Variants in DOCK4 observed in about 807,000 individuals in gnomAD.
The protein encoded by DOCK4 is dedicator of cytokinesis protein 4.
A neutral mutation model predicts 268.1 loss-of-function variants in DOCK4; 97 were observed. The ratio of observed to expected loss-of-function variants is 0.36; its 90% CI spans 0.31 to 0.43. The LOEUF (loss-of-function observed/expected upper bound fraction) is 0.43, where lower values mean the gene tolerates loss of function less well. Among genes scored for constraint, DOCK4 ranks in the 20% least tolerant of loss-of-function variants. DOCK4 has a pLI of 1.00. For missense variants in DOCK4, 2,145 were observed against 2,455.7 expected (o/e 0.87, Z 2.67); for synonymous variants, 954 against 887.2 (o/e 1.08, Z -1.34).
chr7:112,104,077 A>G (rs992889835), intron 1 of DOCK4, among the ~76,000 whole-genome samples: 10 of 151,992 alleles, frequency 6.6e-5, no homozygotes, highest in African/African-American at 2.4e-4. Context: ...CCAAGTTCCC[A>G]CCTCCCATTC....
Position 111,903,394 on chromosome 7 carries a change from T to C in DOCK4, c.1193-1593A>G, listed in dbSNP as rs1389328385. 2.6e-5 allele frequency among the ~76,000 whole-genome samples: 4 copies of C among 152,230 alleles called. No homozygotes were observed. In the South Asian group the frequency reaches 6.2e-4, roughly 24 times the overall value. On this transcript the variant is annotated intron_variant, in intron 13 of 52. Coordinates refer to ENST00000428084, the MANE Select transcript of DOCK4 (RefSeq NM_001363540.2). ...GGCTTATGAATTTCTAGTACTCTTA[T>C]ACAGCTCATACAAACCAACTTGGGA...
chr7:111,879,409 G>A (rs541218609), intron 16 of DOCK4, among the ~76,000 whole-genome samples: 5 of 152,254 alleles, frequency 3.3e-5, no homozygotes, highest in African/African-American at 1.2e-4. Flanking sequence ...GATGATTACA[G>A]TGAAAGACTC....
intron 1 of DOCK4, among the ~76,000 whole-genome samples, chr7:112,107,947 G>C (rs570529684): frequency 6.6e-6 from 1 of 152,290 alleles, no homozygotes; most frequent in Admixed American, 6.5e-5. Context: ...TGCAGAGGCA[G>C]GAGTGCCCAT....
chr7:111,820,773 T>C (rs1440374088), intron 27 of DOCK4: 1 of 152,208 alleles, frequency 6.6e-6, no homozygotes, highest in Non-Finnish European at 1.5e-5. Flanking sequence ...CCTCTGCACA[T>C]GAGTCAGGCA....
At chr7:112,200,739 C>CAAAAAAA (rs71689051) in intron 1 of DOCK4, among the ~76,000 whole-genome samples, 1 of 129,044 alleles carries the variant, frequency 7.7e-6, no homozygotes, top group Non-Finnish European at 1.6e-5. Flanking sequence ...AAAAAAAAAA[C>CAAAAAAA]AAAAAAAAAC....
intron 10 of DOCK4, 63 bp from the exon 11 acceptor site, chr7:111,940,305 C>A (rs1586441979): frequency 6.2e-7 from 1 of 1,602,644 alleles, no homozygotes. Context: ...TCTTAGGTAG[C>A]GAAACATACA....
At chr7:111,878,559 AAG>A (rs566410757) in intron 16 of DOCK4, among the ~76,000 whole-genome samples, 2 of 152,234 alleles carry the variant, frequency 1.3e-5, no homozygotes, top group South Asian at 4.1e-4. Flanking sequence ...AGGAGGGCAG[AAG>A]AGACAGTTCT....
intron 13 of DOCK4, among the ~76,000 whole-genome samples, chr7:111,912,512 G>A (rs952149778): frequency 9.2e-5 from 14 of 152,112 alleles, no homozygotes; most frequent in Admixed American, 2.6e-4. Context: ...GTAAAAACAA[G>A]AGGATATGTC....
At chr7:111,760,891 G>T (rs555114913) in intron 39 of DOCK4, among the ~76,000 whole-genome samples, 1 of 151,894 alleles carries the variant, frequency 6.6e-6, no homozygotes, top group African/African-American at 2.4e-5. Flanking sequence ...GTACCTGAAT[G>T]ATCTGATTAG....
chr7:112,155,817 T>C (rs1816560822), intron 1 of DOCK4, among the ~76,000 whole-genome samples: 1 of 152,222 alleles, frequency 6.6e-6, no homozygotes, highest in Non-Finnish European at 1.5e-5. Context: ...CTTTCTGTGA[T>C]AATGGAGATG....
chr7:112,070,222 T>C (rs1468226429), intron 1 of DOCK4, among the ~76,000 whole-genome samples: 1 of 152,114 alleles, frequency 6.6e-6, no homozygotes, highest in Non-Finnish European at 1.5e-5. Flanking sequence ...AGATGACTAA[T>C]TAAAAGACTA....
At chr7:111,876,920 A>G (rs1806938532) in intron 17 of DOCK4, 110 bp downstream of exon 17, 3 of 1,059,876 alleles carry the variant, frequency 2.8e-6, no homozygotes, top group Non-Finnish European at 3.6e-6. Context: ...GGAAGGATCA[A>G]TAATTTTTCT....
At chr7:111,908,719 C>T (rs779274035) in intron 13 of DOCK4, among the ~76,000 whole-genome samples, 22 of 151,812 alleles carry the variant, frequency 1.4e-4, no homozygotes, top group Non-Finnish European at 8.8e-5. Context: ...CGCCCCCAGG[C>T]CCTGGTGTGT....
At chr7:111,812,760 G>A (rs951763705) in intron 27 of DOCK4, among the ~76,000 whole-genome samples, 1 of 152,200 alleles carries the variant, frequency 6.6e-6, no homozygotes, top group African/African-American at 2.4e-5. Context: ...CTTTAAGGGT[G>A]ACAAGACTGC....
chr7:111,975,331 T>G (rs1798083268), intron 8 of DOCK4, among the ~76,000 whole-genome samples: 1 of 152,176 alleles, frequency 6.6e-6, no homozygotes, highest in South Asian at 2.1e-4. Flanking sequence ...CTTCAGTTCT[T>G]CCTTTTACAT....
Position 111,900,454 on chromosome 7 carries a change from C to A in DOCK4, c.1400G>T (p.Trp467Leu). ...AATGGGAAGTTTCAGCAGTTCAGACCACCTGGGACTGTTGTTATGGTAAAG... is the reference window on the plus strand; with the variant it reads ...AATGGGAAGTTTCAGCAGTTCAGACAACCTGGGACTGTTGTTATGGTAAAG... ...FVLYHNNSPR[W>L]SELLKLPIPV... The change falls in exon 15 of 53, where the codon TGG becomes TTG. Residue 467 changes from tryptophan to leucine, a missense_variant. Trp to Leu is a moderately conservative substitution (Grantham distance 61). Coordinates refer to ENST00000428084, the MANE Select transcript of DOCK4 (RefSeq NM_001363540.2). 1 of 1,613,420 alleles carries A rather than the reference C, an allele frequency of 6.2e-7. No homozygotes were observed. The highest frequency in any genetic ancestry group is 2.2e-5 in the East Asian group (1 of 44,872).
At position 111,743,822 on chromosome 7, in the gene DOCK4, T is replaced by G. The variant is rs149863439; in HGVS notation, c.4678-1690A>C. ...TGGAATGTTCTTAAAAATTTATCTG[T>G]ATTTTAATCTTTTTAGAGACAGAGT... On this transcript the variant is annotated intron_variant, in intron 44 of 52. Transcript: ENST00000428084. Among the ~76,000 whole-genome samples, 265 of 152,290 alleles carry G rather than the reference T, an allele frequency of 1.7e-3. 1 individual carries two copies. Among genetic ancestry groups the G allele is most frequent in the South Asian group, 0.015 (72 of 4,832 alleles).
At chr7:112,017,258 C>T (rs980725443) in intron 1 of DOCK4, among the ~76,000 whole-genome samples, 2 of 152,114 alleles carry the variant, frequency 1.3e-5, no homozygotes, top group African/African-American at 4.8e-5. Context: ...TAAAATCTTA[C>T]TTAAAATAAG....
intron 40 of DOCK4, 86 bp downstream of exon 40, chr7:111,760,094 TG>T: frequency 6.5e-7 from 1 of 1,535,790 alleles, no homozygotes; most frequent in Non-Finnish European, 8.9e-7. Context: ...GAAAAGGGAC[TG>T]GTGGCTGAAC....
Sources: gnomAD v4.1 joint callset for allele counts (sites outside exome capture counted in the v4.1 genomes callset) on GRCh38, gnomAD v4.1.1 for gene constraint, MANE v1.5 for transcripts, NCBI Gene and HGNC (gene_info 2026-07-23, HGNC 2026-07-21) for gene names.